The following CNOT6 variants were observed in gnomAD, a reference collection of about 807,000 sequenced individuals.
The protein encoded by CNOT6 is carbon catabolite repression 4 protein.
A neutral mutation model predicts 61.2 loss-of-function variants in CNOT6; 12 were observed. That is an observed-to-expected ratio of 0.20 (90% confidence interval 0.13 to 0.32). The LOEUF is 0.32. Ranked by LOEUF, CNOT6 falls within the 10% of genes least tolerant of loss-of-function variation. The pLI, the probability that CNOT6 is intolerant of heterozygous loss-of-function variation, is 1.00. For synonymous variants in CNOT6, 225 were observed against 240.6 expected (o/e 0.94, Z 0.60); for missense variants, 405 against 663.9 (o/e 0.61, Z 4.28).
chr5:180,496,921 T>C (rs1386200022), intron 1 of CNOT6, among the ~76,000 whole-genome samples: 3 of 152,244 alleles, frequency 2.0e-5, no homozygotes, highest in Non-Finnish European at 4.4e-5. Flanking sequence ...ACTACAATTA[T>C]TGGGAAATTT....
Position 180,542,847 on chromosome 5 carries a change from T to A in CNOT6, c.113-7084T>A, listed in dbSNP as rs544261719. On this transcript the variant is annotated intron_variant, in intron 2 of 11. Transcript: ENST00000261951. ...GTAAATGCAAGTTTTTGGGTACTTATGAGTATGTACAATTTTGTGGGGAAG... is the reference window on the plus strand; with the variant it reads ...GTAAATGCAAGTTTTTGGGTACTTAAGAGTATGTACAATTTTGTGGGGAAG... Among the ~76,000 whole-genome samples the A allele has an allele frequency of 2.0e-5, 3 of 152,306 alleles. No individual in the cohort carries two copies. The South Asian group carries it at 6.2e-4, about 32-fold the overall frequency.
intron 1 of CNOT6, among the ~76,000 whole-genome samples, chr5:180,522,093 T>A (rs758226615): frequency 6.6e-6 from 1 of 152,120 alleles, no homozygotes; most frequent in Non-Finnish European, 1.5e-5. Flanking sequence ...AGTTCTGGTT[T>A]TTTATTTATT....
chr5:180,550,104 A>G lies in CNOT6; in HGVS notation c.286A>G (p.Met96Val), dbSNP rs1216756037. The change falls in exon 3 of 12, where the codon ATG becomes GTG. Residue 96 changes from methionine (M) to valine (V), a missense_variant. Coordinates refer to ENST00000261951, the MANE Select transcript of CNOT6 (RefSeq NM_001370472.1). ...TAGCTTACCCGCAGAACTCGGAAAC[A>G]TGGTATCACTCAGGTATGCAGATTC... ...IRSLPAELGN[M>V]VSLRELHLNN... The G allele has an allele frequency of 3.7e-6, 6 of 1,613,746 alleles. No individual in the cohort carries two copies. The South Asian group carries it at 5.5e-5, about 15-fold the overall frequency.
At chr5:180,563,653 C>G (rs1173305562) in intron 4 of CNOT6, among the ~76,000 whole-genome samples, 1 of 152,120 alleles carries the variant, frequency 6.6e-6, no homozygotes, top group Non-Finnish European at 1.5e-5. Flanking sequence ...ACATCTTTGA[C>G]CATTTTATCT....
In CNOT6 at chr5:180,574,885, A is replaced by G. The variant is rs781077404; in HGVS notation, c.*685A>G. ...TTAAATTGAGAACATGGTTCTTTAC[A>G]TATAAATCTGCTTCAACCTTAGGAT... On this transcript the variant is annotated 3_prime_UTR_variant, in exon 12 of 12. Transcript: ENST00000261951. The G allele has an allele frequency of 2.0e-5, 3 of 152,814 alleles. No individual in the cohort carries two copies. The highest frequency in any genetic ancestry group is 4.4e-5 in the Non-Finnish European group (3 of 68,208). The allele number at this position is 152,814 out of a possible 1,614,324, so 9.5% of individuals were successfully genotyped here.
rs546643131 is a variant in CNOT6, at chr5:180,530,874, G to A, written c.112+1486G>A. Among the ~76,000 whole-genome samples the A allele has an allele frequency of 3.0e-4, 46 of 152,226 alleles. No homozygotes were observed. The East Asian group carries it at 8.1e-3, about 27-fold the overall frequency. On this transcript the variant is annotated intron_variant, in intron 2 of 11. Coordinates refer to ENST00000261951, the MANE Select transcript of CNOT6 (RefSeq NM_001370472.1). Reference sequence around the variant, plus strand: ...ACACAGCACATGTTTCAGAGAGCACGGGGTTGGGGGTAAGGTTATAGATTA... The same window carrying A: ...ACACAGCACATGTTTCAGAGAGCACAGGGTTGGGGGTAAGGTTATAGATTA...
intron 1 of CNOT6, among the ~76,000 whole-genome samples, chr5:180,502,700 A>AT (rs34884005): frequency 0.17 from 25,707 of 152,174 alleles, 2,264 homozygotes; most frequent in Non-Finnish European, 0.19. Context: ...GTGGTTGTAT[A>AT]TAGTTTTACT....
chr5:180,494,940 CCGCCCCGGGCCG>C (rs1456397274), intron 1 of CNOT6, among the ~76,000 whole-genome samples, 177 bp downstream of exon 1: 1 of 151,606 alleles, frequency 6.6e-6, no homozygotes, highest in Non-Finnish European at 1.5e-5. Context: ...CGATCGCGCC[CCGCCCCGGGCCG>C]CGCCCCCGGG....
chr5:180,526,937 G>A (rs1758128447), intron 1 of CNOT6, among the ~76,000 whole-genome samples: 1 of 151,246 alleles, frequency 6.6e-6, no homozygotes, highest in African/African-American at 2.4e-5. Context: ...TGGAGTGCAG[G>A]GACACAGTCA....
At chr5:180,552,364 G>C (rs1759649025) in intron 3 of CNOT6, among the ~76,000 whole-genome samples, 1 of 151,524 alleles carries the variant, frequency 6.6e-6, no homozygotes, top group Non-Finnish European at 1.5e-5. Flanking sequence ...AATAGGCTGG[G>C]CACGATGGCT....
At chr5:180,519,247 T>C (rs1445379150) in intron 1 of CNOT6, among the ~76,000 whole-genome samples, 2 of 152,214 alleles carry the variant, frequency 1.3e-5, no homozygotes, top group African/African-American at 4.8e-5. Flanking sequence ...TTGATGTTGG[T>C]TCATTGGTAG....
At chr5:180,508,947 C>T (rs1006310985) in intron 1 of CNOT6, among the ~76,000 whole-genome samples, 2 of 151,610 alleles carry the variant, frequency 1.3e-5, no homozygotes, top group African/African-American at 2.4e-5. Context: ...CTCAGCCTCC[C>T]GAGTAGCTGA....
rs1760910391 is a variant in CNOT6, at chr5:180,574,212, C to T, written c.*12C>T. ...CTGGCAGGAGGTAGTCAAGCACCTT[C>T]AGAGGACAGCCTTGATTCACTTGTA... On this transcript the variant is annotated 3_prime_UTR_variant, in exon 12 of 12. Coordinates refer to ENST00000261951, the MANE Select transcript of CNOT6 (RefSeq NM_001370472.1). The T allele has an allele frequency of 6.2e-7, 1 of 1,601,598 alleles. No individual in the cohort carries two copies. The highest frequency in any genetic ancestry group is 1.3e-5 in the African/African-American group (1 of 74,732).
intron 1 of CNOT6, among the ~76,000 whole-genome samples, chr5:180,520,911 C>G (rs543154318): frequency 6.6e-6 from 1 of 151,396 alleles, no homozygotes; most frequent in Admixed American, 6.6e-5. Flanking sequence ...GTGGCGCAAC[C>G]TCAGCTCATT....
rs70973933 is a variant in CNOT6 at position 180,539,295 on chromosome 5, C to CAA, written c.112+9915_112+9916dup. Among the ~76,000 whole-genome samples the CAA allele has an allele frequency of 7.0e-3, 959 of 136,092 alleles. 12 individuals carry two copies. Among genetic ancestry groups the CAA allele is most frequent in the African/African-American group, 0.023 (918 of 40,080 alleles). The allele number at this position is 136,092 out of a possible 152,430, so 89.3% of individuals were successfully genotyped here. On this transcript the variant is annotated intron_variant, in intron 2 of 11. Coordinates refer to ENST00000261951, the MANE Select transcript of CNOT6 (RefSeq NM_001370472.1). ...CCCTATCTCTTTAAAAACAAACAAA[C>CAA]AAAAAAAAACTGCATTTCCTCCTCC...
At chr5:180,528,319 T>C (rs996360455) in intron 1 of CNOT6, among the ~76,000 whole-genome samples, 6 of 152,330 alleles carry the variant, frequency 3.9e-5, no homozygotes, top group African/African-American at 1.4e-4. Flanking sequence ...TATTTATTTA[T>C]TTATTTTTTG....
chr5:180,544,974 A>G (rs1759240799), intron 2 of CNOT6, among the ~76,000 whole-genome samples: 1 of 152,176 alleles, frequency 6.6e-6, no homozygotes, highest in African/African-American at 2.4e-5. Context: ...AAAAAACAAC[A>G]AATTGTTTTA....
At chr5:180,553,270 T>C (rs1388867992) in intron 3 of CNOT6, 116 bp from the exon 4 acceptor site, 3 of 583,822 alleles carry the variant, frequency 5.1e-6, no homozygotes, top group Non-Finnish European at 9.1e-6. Context: ...GACATTGAAA[T>C]ATAACGTAAC....
At chr5:180,537,932 T>G (rs1463477048) in intron 2 of CNOT6, among the ~76,000 whole-genome samples, 1 of 152,208 alleles carries the variant, frequency 6.6e-6, no homozygotes, top group African/African-American at 2.4e-5. Context: ...TAAATAAGTT[T>G]TAAGGCTGGG....
Sources: allele counts gnomAD v4.1 joint callset (sites outside exome capture counted in the v4.1 genomes callset), GRCh38; gene constraint gnomAD v4.1.1; transcripts MANE v1.5; gene names NCBI Gene and HGNC (gene_info 2026-07-23, HGNC 2026-07-21).